MCC: variants seen among roughly 807,000 people sequenced by gnomAD.
The protein encoded by MCC is colorectal mutant cancer protein.
In MCC, 90 loss-of-function variants were observed where a neutral mutation model predicts 116.2. The ratio of observed to expected loss-of-function variants is 0.77; its 90% CI spans 0.65 to 0.92. MCC has a LOEUF of 0.92. MCC is among the 40% of genes least tolerant of loss of function. The pLI is 0.00. For missense variants in MCC, 1,516 were observed against 1,312.2 expected (o/e 1.16, Z -2.40); for synonymous variants, 578 against 510.5 (o/e 1.13, Z -1.78).
intron 3 of MCC, among the ~76,000 whole-genome samples, chr5:113,245,753 C>T (rs1230258951): frequency 6.6e-6 from 1 of 152,156 alleles, no homozygotes; most frequent in Non-Finnish European, 1.5e-5. Flanking sequence ...ATCCCTTCCC[C>T]ACAAATGATG....
intron 3 of MCC, among the ~76,000 whole-genome samples, chr5:113,187,930 T>C (rs1004107835): frequency 7.9e-5 from 12 of 151,990 alleles, no homozygotes; most frequent in Non-Finnish European, 2.9e-5. Context: ...CAGAACAAAT[T>C]GAGGGGCAAA....
At chr5:113,422,536 C>T (rs1047602850) in intron 1 of MCC, among the ~76,000 whole-genome samples, 3 of 152,146 alleles carry the variant, frequency 2.0e-5, no homozygotes, top group Non-Finnish European at 2.9e-5. Context: ...CTTTTGCAAG[C>T]AAGTACGAGC....
chr5:113,475,157 G>A (rs1342120392), intron 1 of MCC, among the ~76,000 whole-genome samples: 1 of 152,160 alleles, frequency 6.6e-6, no homozygotes, highest in Non-Finnish European at 1.5e-5. Flanking sequence ...AATGTCACTT[G>A]CCATAATATT....
chr5:113,325,155 T>C (rs1011486730), intron 3 of MCC, among the ~76,000 whole-genome samples: 1 of 152,152 alleles, frequency 6.6e-6, no homozygotes, highest in East Asian at 1.9e-4. Flanking sequence ...ACCATTTTTA[T>C]AACTCACAAT....
In MCC at chr5:113,434,764, C is replaced by T. The variant is rs1436622166; in HGVS notation, c.171-49552G>A. 6.2e-7 allele frequency: 1 copy of T among 1,614,028 alleles called. No individual in the cohort carries two copies. Among genetic ancestry groups the T allele is most frequent in the Non-Finnish European group, 8.5e-7 (1 of 1,179,922 alleles). ...AGGCGCTCAGAGTAAGCAGATTTTA[C>T]TTTTGCATAGGAGCCCTCTCCTAAA... On this transcript the variant is annotated intron_variant, in intron 1 of 18. Coordinates refer to ENST00000408903, the MANE Select transcript of MCC (RefSeq NM_001085377.2). This position sits in a 1 kb window ranked among gnomAD's most constrained non-coding sequence, Gnocchi z 4.2.
chr5:113,088,986 A>G (rs1352213634), intron 8 of MCC, among the ~76,000 whole-genome samples: 1 of 152,132 alleles, frequency 6.6e-6, no homozygotes, highest in Non-Finnish European at 1.5e-5. Flanking sequence ...TCTACAAAAT[A>G]TATATTTTGG....
At chr5:113,169,802 A>T (rs546133514) in intron 3 of MCC, among the ~76,000 whole-genome samples, 1 of 152,352 alleles carries the variant, frequency 6.6e-6, no homozygotes, top group South Asian at 2.1e-4. Flanking sequence ...CAACAATCAG[A>T]GGGCTGTCTA....
chr5:113,218,552 T>C (rs1055655291), intron 3 of MCC, among the ~76,000 whole-genome samples: 7 of 152,198 alleles, frequency 4.6e-5, no homozygotes, highest in African/African-American at 1.4e-4. Context: ...AATGAGACAA[T>C]GCCCAGAGGT....
rs759780799 is a variant in MCC, at chr5:113,053,868, C to T, written c.2305G>A (p.Asp769Asn). 6.2e-7 allele frequency: 1 copy of T among 1,614,150 alleles called. No homozygotes were observed. The highest frequency in any genetic ancestry group is 8.5e-7 in the Non-Finnish European group (1 of 1,180,020). Residue 769 changes from aspartate (D) to asparagine (N), a missense_variant, in exon 15 of 19, where the codon GAC becomes AAC. Asp to Asn is a conservative substitution (Grantham distance 23). Coordinates refer to ENST00000408903, the MANE Select transcript of MCC (RefSeq NM_001085377.2). Reference protein sequence around the residue: ...LKDYIQQLKNDRAAVKLTMLE... With the variant: ...LKDYIQQLKNNRAAVKLTMLE... ...ATGGTCAGCTTGACCGCAGCCCTGT[C>T]ATTCTTGAGCTGCTGGATATAATCC...
intron 3 of MCC, among the ~76,000 whole-genome samples, chr5:113,170,113 T>C (rs1411606419): frequency 1.3e-5 from 2 of 152,178 alleles, no homozygotes; most frequent in East Asian, 3.8e-4. Flanking sequence ...CAAATGAGTA[T>C]TTTTAAGCAC....
chr5:113,189,899 T>C (rs74873391), intron 3 of MCC, among the ~76,000 whole-genome samples: 3,069 of 152,294 alleles, frequency 0.02, 108 homozygotes, highest in African/African-American at 0.07. Flanking sequence ...ATAACATTCC[T>C]GCAGGAGAAG....
At chr5:113,108,377 A>G (rs1756877561) in intron 6 of MCC, among the ~76,000 whole-genome samples, 1 of 142,438 alleles carries the variant, frequency 7.0e-6, no homozygotes, top group Admixed American at 7.1e-5. Context: ...GAAAGTGGCC[A>G]GGTGTGGTGG....
At chr5:113,090,343 C>T (rs890783126) in intron 8 of MCC, among the ~76,000 whole-genome samples, 4 of 134,288 alleles carry the variant, frequency 3.0e-5, no homozygotes, top group African/African-American at 1.3e-4. Context: ...AGGAGGCTGA[C>T]CTAGGACCAA....
At chr5:113,198,247 T>C (rs1581240662) in intron 3 of MCC, among the ~76,000 whole-genome samples, 1 of 152,322 alleles carries the variant, frequency 6.6e-6, no homozygotes, top group East Asian at 1.9e-4. Flanking sequence ...AGCTACTTGA[T>C]AGCAGGGGCT....
chr5:113,241,221 T>C (rs907128910), intron 3 of MCC, among the ~76,000 whole-genome samples: 1 of 152,172 alleles, frequency 6.6e-6, no homozygotes, highest in Non-Finnish European at 1.5e-5. Flanking sequence ...GCAGATTGAC[T>C]ACACACTTCT....
intron 1 of MCC, among the ~76,000 whole-genome samples, chr5:113,443,328 G>C (rs910604906): frequency 6.6e-6 from 1 of 152,052 alleles, no homozygotes; most frequent in African/African-American, 2.4e-5. Context: ...AAATGCTCGC[G>C]ATTTTTGTAC....
rs750412795 is a variant in MCC, at chr5:113,068,084, G to C, written c.2025C>G (p.Ser675=). Residue 675 remains serine, a synonymous_variant, in exon 13 of 19, where the codon TCC becomes TCG. Transcript: ENST00000408903. ...AGGGACTCTGGAGACACTTACCAGG[G>C]GAGGACCCCACGCCCGCCGCTCGGA... ...GQFRAAGVGS[S]PGDQSGDENI... 13 of 1,613,828 alleles carry C rather than the reference G, an allele frequency of 8.1e-6. No individual in the cohort carries two copies. In the Middle Eastern group the frequency reaches 1.8e-3, roughly 225 times the overall value.
At chr5:113,035,796 CTAAAGT>C (rs1020821835) in intron 17 of MCC, among the ~76,000 whole-genome samples, 2 of 152,108 alleles carry the variant, frequency 1.3e-5, no homozygotes, top group African/African-American at 4.8e-5. Context: ...TCATTGCAAA[CTAAAGT>C]TACTTTATTG....
At chr5:113,340,940 A>C (rs1407759411) in intron 2 of MCC, among the ~76,000 whole-genome samples, 1 of 152,192 alleles carries the variant, frequency 6.6e-6, no homozygotes, top group African/African-American at 2.4e-5. Context: ...AAAGCATTCA[A>C]AAACAACTGT....
Sources: allele counts gnomAD v4.1 joint callset (sites outside exome capture counted in the v4.1 genomes callset), GRCh38; gene constraint gnomAD v4.1.1; non-coding constraint Gnocchi (gnomAD v3.1); transcripts MANE v1.5; gene names NCBI Gene and HGNC (gene_info 2026-07-23, HGNC 2026-07-21).